KHDRBS2: variants seen among roughly 807,000 people sequenced by gnomAD.
KHDRBS2 encodes the protein KH domain-containing, RNA-binding, signal transduction-associated protein 2.
In KHDRBS2, 26 loss-of-function variants were observed where a neutral mutation model predicts 44.3. The observed-to-expected ratio is 0.59, with a 90% CI of 0.43 to 0.81. The LOEUF is 0.81. Among genes scored for constraint, KHDRBS2 ranks in the 40% least tolerant of loss-of-function variants. The probability of loss-of-function intolerance (pLI) is 0.00; values close to 1 mark genes in which losing one functional copy is unlikely to be tolerated. For missense variants in KHDRBS2, 476 were observed against 433.1 expected, an observed-to-expected ratio of 1.10 and a Z score of -0.88; for synonymous variants, 194 against 151.1, an observed-to-expected ratio of 1.28 and a Z score of -2.08.
intron 2 of KHDRBS2, among the ~76,000 whole-genome samples, chr6:62,064,832 G>A (rs1793129700): frequency 6.6e-6 from 1 of 151,126 alleles, no homozygotes; most frequent in African/African-American, 2.4e-5. Context: ...ACTACCATCA[G>A]AGTGAACAGG....
intron 8 of KHDRBS2, among the ~76,000 whole-genome samples, chr6:61,688,835 A>G (rs576978340): frequency 6.6e-6 from 1 of 151,964 alleles, no homozygotes; most frequent in Admixed American, 6.6e-5. Context: ...GGTTACTGGG[A>G]GGTAAGCTCT....
chr6:62,004,243 A>G (rs150651118), intron 3 of KHDRBS2, among the ~76,000 whole-genome samples: 1,928 of 152,086 alleles, frequency 0.013, 16 homozygotes, highest in Non-Finnish European at 0.018. Context: ...AGATCAGCAA[A>G]ATAGACCACT....
the KHDRBS2 span, among the ~76,000 whole-genome samples, chr6:61,649,768 T>G: frequency 6.6e-6 from 1 of 152,140 alleles, no homozygotes; most frequent in African/African-American, 2.4e-5. Context: ...GATAGCTACA[T>G]AACCAACACT....
At chr6:61,787,109 T>C (rs1783936941) in intron 6 of KHDRBS2, among the ~76,000 whole-genome samples, 1 of 150,540 alleles carries the variant, frequency 6.6e-6, no homozygotes, top group Non-Finnish European at 1.5e-5. Context: ...AAAAGTATGC[T>C]ATTTTGGTGC....
At chr6:61,693,311 T>C (rs554526905) in intron 8 of KHDRBS2, among the ~76,000 whole-genome samples, 1 of 152,242 alleles carries the variant, frequency 6.6e-6, no homozygotes, top group South Asian at 2.1e-4. Context: ...TACTACATGA[T>C]ATCTAATACC....
At chr6:61,613,633 A>G in the KHDRBS2 span, among the ~76,000 whole-genome samples, 1 of 106,414 alleles carries the variant, frequency 9.4e-6, no homozygotes, top group African/African-American at 3.5e-5. Context: ...TTTGGCTATA[A>G]GAAACTCTCA....
chr6:61,696,179 T>C (rs894948620), intron 8 of KHDRBS2, among the ~76,000 whole-genome samples: 3 of 152,076 alleles, frequency 2.0e-5, no homozygotes, highest in Admixed American at 6.6e-5. Flanking sequence ...TTCAAGACTA[T>C]AAATATTTAA....
intron 8 of KHDRBS2, among the ~76,000 whole-genome samples, chr6:61,686,893 A>G (rs1766874142): frequency 6.6e-6 from 1 of 151,516 alleles, no homozygotes; most frequent in African/African-American, 2.4e-5. Context: ...ACAACAATTA[A>G]TTAGCCAAAA....
rs80057046 is a variant in KHDRBS2 at position 61,843,941 on chromosome 6, T to G, written c.810+50694A>C. Among the ~76,000 whole-genome samples the G allele has an allele frequency of 1.0e-3, 156 of 152,310 alleles. 1 individual carries two copies. Among genetic ancestry groups the G allele is most frequent in the African/African-American group, 3.6e-3 (150 of 41,586 alleles). On this transcript the variant is annotated intron_variant, in intron 6 of 8. Coordinates refer to ENST00000281156, the MANE Select transcript of KHDRBS2 (RefSeq NM_152688.4). ...ACCCTTAATTCTATTTGATTTTCTT[T>G]AATATGCTTAAGTGTCAATCTTTTC...
intron 6 of KHDRBS2, among the ~76,000 whole-genome samples, chr6:61,746,394 G>C (rs1337136790): frequency 1.3e-5 from 2 of 152,128 alleles, no homozygotes; most frequent in Non-Finnish European, 2.9e-5. Context: ...ACTTATGAGT[G>C]AGAACATGCT....
the KHDRBS2 span, among the ~76,000 whole-genome samples, chr6:61,598,837 C>CTTTTTTTTTTTTT: frequency 2.4e-4 from 16 of 65,500 alleles, no homozygotes; most frequent in Non-Finnish European, 4.0e-4. Context: ...TTTTTCTTTT[C>CTTTTTTTTTTTTT]TTTTTTTTTT....
At chr6:61,563,007 A>C in the KHDRBS2 span, among the ~76,000 whole-genome samples, 1 of 152,132 alleles carries the variant, frequency 6.6e-6, no homozygotes, top group African/African-American at 2.4e-5. Flanking sequence ...ATACTGGCTT[A>C]ATGCTTATTC....
At chr6:62,105,480 T>A (rs1422883600) in intron 2 of KHDRBS2, among the ~76,000 whole-genome samples, 1 of 152,184 alleles carries the variant, frequency 6.6e-6, no homozygotes, top group African/African-American at 2.4e-5. Flanking sequence ...ATTCAGAGAT[T>A]CAACTTCTTC....
intron 6 of KHDRBS2, chr6:61,817,131 T>C (rs570893044): frequency 2.9e-6 from 1 of 340,884 alleles, no homozygotes; most frequent in East Asian, 7.5e-5. Flanking sequence ...ATGTAAATGC[T>C]GCCCACTGAA....
chr6:61,837,139 T>C (rs959062242), intron 6 of KHDRBS2, among the ~76,000 whole-genome samples: 1 of 152,002 alleles, frequency 6.6e-6, no homozygotes, highest in Non-Finnish European at 1.5e-5. Context: ...CTGATACTCT[T>C]GTAACTTCTA....
At chr6:61,573,861 C>G in the KHDRBS2 span, among the ~76,000 whole-genome samples, 2 of 145,202 alleles carry the variant, frequency 1.4e-5, no homozygotes, top group Non-Finnish European at 3.0e-5. Context: ...AAGAACAAAC[C>G]TGGAAGTATC....
At chr6:61,962,007 C>T (rs1031452223) in intron 4 of KHDRBS2, among the ~76,000 whole-genome samples, 5 of 151,776 alleles carry the variant, frequency 3.3e-5, no homozygotes, top group African/African-American at 1.2e-4. Context: ...TAATAGAGAA[C>T]CAACCAGAAC....
chr6:61,961,245 C>G (rs1768639245), intron 4 of KHDRBS2, among the ~76,000 whole-genome samples: 1 of 151,786 alleles, frequency 6.6e-6, no homozygotes, highest in South Asian at 2.1e-4. Flanking sequence ...TAATGATAGT[C>G]AATGAATAAA....
chr6:62,071,996 T>C (rs1308382396), intron 2 of KHDRBS2, among the ~76,000 whole-genome samples: 3 of 152,196 alleles, frequency 2.0e-5, no homozygotes, highest in Non-Finnish European at 4.4e-5. Context: ...TTCCATTTGT[T>C]TGTATACTCT....
Sources: gnomAD v4.1 joint callset for allele counts (sites outside exome capture counted in the v4.1 genomes callset) on GRCh38, gnomAD v4.1.1 for gene constraint, MANE v1.5 for transcripts, NCBI Gene and HGNC (gene_info 2026-07-23, HGNC 2026-07-21) for gene names.